OR56B2: variants seen among roughly 807,000 people sequenced by gnomAD.
The protein encoded by OR56B2 is olfactory receptor 56B2.
the OR56B2 span, among the ~76,000 whole-genome samples, chr11:5,761,771 C>T: frequency 6.6e-6 from 1 of 152,082 alleles, no homozygotes; most frequent in Non-Finnish European, 1.5e-5. Context: ...TATTAATTAT[C>T]CCATCTTGCA....
At chr11:5,768,092 A>G in the OR56B2 span, among the ~76,000 whole-genome samples, 2 of 138,680 alleles carry the variant, frequency 1.4e-5, no homozygotes, top group Admixed American at 7.4e-5. Context: ...TTTTTGATAC[A>G]TGGATGTATA....
At chr11:5,764,843 A>G in the OR56B2 span, among the ~76,000 whole-genome samples, 1 of 139,390 alleles carries the variant, frequency 7.2e-6, no homozygotes, top group African/African-American at 2.6e-5. Flanking sequence ...TCCTGATTTT[A>G]TAATGTCGTA....
At chr11:5,766,097 A>G in the OR56B2 span, 4 of 140,514 alleles carry the variant, frequency 2.8e-5, 2 homozygotes, top group Non-Finnish European at 6.3e-5. Flanking sequence ...AATTTTCTTC[A>G]CATGTTTTTA....
the OR56B2 span, among the ~76,000 whole-genome samples, chr11:5,768,448 AT>A: frequency 7.2e-6 from 1 of 139,078 alleles, no homozygotes; most frequent in Non-Finnish European, 1.6e-5. Flanking sequence ...ATCATACCAC[AT>A]TTTTTTTATC....
chr11:5,763,211 T>C, the OR56B2 span, among the ~76,000 whole-genome samples: 1 of 152,304 alleles, frequency 6.6e-6, no homozygotes, highest in East Asian at 1.9e-4. Context: ...ATTTTTAGTT[T>C]TCATCTTGTC....
chr11:5,763,135 A>G, the OR56B2 span, among the ~76,000 whole-genome samples: 11 of 152,238 alleles, frequency 7.2e-5, no homozygotes, highest in African/African-American at 2.4e-4. Context: ...TATAATCTAT[A>G]AGAATCAGTA....
the OR56B2 span, chr11:5,761,383 T>A: frequency 6.6e-6 from 1 of 152,158 alleles, no homozygotes; most frequent in African/African-American, 2.4e-5. Context: ...TGAAATACAC[T>A]TCATGTCAAA....
chr11:5,766,951 C>T, the OR56B2 span: 1 of 139,466 alleles, frequency 7.2e-6, no homozygotes, highest in Non-Finnish European at 1.6e-5. Flanking sequence ...CATTATTAGC[C>T]AAAAAGTAGA....
chr11:5,764,367 A>G, the OR56B2 span, among the ~76,000 whole-genome samples: 1 of 140,772 alleles, frequency 7.1e-6, no homozygotes, highest in Non-Finnish European at 1.6e-5. Flanking sequence ...TATGGCCATT[A>G]GAATACTCCA....
chr11:5,768,117 G>T, the OR56B2 span, among the ~76,000 whole-genome samples: 1 of 138,212 alleles, frequency 7.2e-6, no homozygotes, highest in African/African-American at 2.7e-5. Flanking sequence ...TGTATAGCCT[G>T]GCTGTGGTGA....
the OR56B2 span, among the ~76,000 whole-genome samples, chr11:5,762,737 T>TA: frequency 0.11 from 16,550 of 151,862 alleles, 1,094 homozygotes; most frequent in East Asian, 0.25. Flanking sequence ...TATGTATTAA[T>TA]AAAAAAAGAC....
chr11:5,763,869 C>A, the OR56B2 span, among the ~76,000 whole-genome samples: 4 of 139,606 alleles, frequency 2.9e-5, 1 homozygote, highest in Non-Finnish European at 4.7e-5. Context: ...CTTCTTTGGG[C>A]AGTTAGACAC....
the OR56B2 span, among the ~76,000 whole-genome samples, chr11:5,762,446 C>A: frequency 6.6e-6 from 1 of 151,918 alleles, no homozygotes; most frequent in Non-Finnish European, 1.5e-5. Flanking sequence ...TTATGATATT[C>A]TTTGTTACTT....
chr11:5,765,904 G>A, the OR56B2 span: 86,656 of 137,208 alleles, frequency 0.63, 33,152 homozygotes, highest in Middle Eastern at 0.72. Flanking sequence ...TCCATTACTC[G>A]TAGTACAGGA....
At chr11:5,764,393 C>T in the OR56B2 span, among the ~76,000 whole-genome samples, 186 of 140,472 alleles carry the variant, frequency 1.3e-3, 34 homozygotes, top group Non-Finnish European at 2.6e-3. Context: ...CAAAAATATA[C>T]GCAAGTAGAA....
At chr11:5,762,995 A>T in the OR56B2 span, among the ~76,000 whole-genome samples, 190 of 152,096 alleles carry the variant, frequency 1.2e-3, 1 homozygote, top group Non-Finnish European at 4.9e-4. Flanking sequence ...TTTATATATG[A>T]CATTGTTACA....
chr11:5,761,932 A>C, the OR56B2 span, among the ~76,000 whole-genome samples: 1 of 152,104 alleles, frequency 6.6e-6, no homozygotes, highest in South Asian at 2.1e-4. Flanking sequence ...TTTTCACCCA[A>C]AGTATTAGAA....
the OR56B2 span, among the ~76,000 whole-genome samples, chr11:5,764,340 G>T: frequency 7.1e-6 from 1 of 140,484 alleles, no homozygotes; most frequent in Non-Finnish European, 1.6e-5. Flanking sequence ...TAACTTCTAC[G>T]CCAGTCATCA....
chr11:5,764,670 A>G, the OR56B2 span, among the ~76,000 whole-genome samples: 2 of 139,788 alleles, frequency 1.4e-5, 1 homozygote, highest in African/African-American at 5.2e-5. Context: ...CTTACCTAAA[A>G]GGCCTCCATG....
Sources: allele counts gnomAD v4.1 joint callset (sites outside exome capture counted in the v4.1 genomes callset), GRCh38; gene constraint gnomAD v4.1.1; transcripts MANE v1.5; gene names NCBI Gene and HGNC (gene_info 2026-07-23, HGNC 2026-07-21).